TBC1D30: variants seen among roughly 807,000 people sequenced by gnomAD.
The protein encoded by TBC1D30 is TBC1 domain family, member 30.
Under a neutral mutation model 63.2 loss-of-function variants are expected in TBC1D30, and 31 were observed. The observed-to-expected ratio is 0.49, with a 90% CI of 0.37 to 0.66. The LOEUF (loss-of-function observed/expected upper bound fraction) is 0.66. Among genes scored for constraint, TBC1D30 ranks in the 30% least tolerant of loss-of-function variants. The pLI, the probability that TBC1D30 is intolerant of heterozygous loss-of-function variation, is 0.00. For missense variants in TBC1D30, 810 were observed against 953.6 expected (o/e 0.85, Z 1.98); for synonymous variants, 307 against 361.5 (o/e 0.85, Z 1.71).
intron 2 of TBC1D30, among the ~76,000 whole-genome samples, chr12:64,789,546 G>A (rs562481504): frequency 6.6e-6 from 1 of 152,070 alleles, no homozygotes; most frequent in South Asian, 2.1e-4. Flanking sequence ...ATTAAACTGG[G>A]TTATTTCTTG....
intron 1 of TBC1D30, among the ~76,000 whole-genome samples, chr12:64,765,490 C>CA (rs60489979): frequency 0.028 from 498 of 17,582 alleles, 140 homozygotes; most frequent in Middle Eastern, 0.17. Context: ...AGACTGTCTC[C>CA]AAAAAAAAAA....
At chr12:64,872,181 C>T (rs1949623786) in intron 11 of TBC1D30, among the ~76,000 whole-genome samples, 1 of 152,166 alleles carries the variant, frequency 6.6e-6, no homozygotes, top group South Asian at 2.1e-4. Context: ...GCATGCACCA[C>T]CATGCCTGGC....
chr12:64,851,368 A>G (rs1343639101), intron 8 of TBC1D30, among the ~76,000 whole-genome samples: 1 of 151,936 alleles, frequency 6.6e-6, no homozygotes, highest in Non-Finnish European at 1.5e-5. Flanking sequence ...TCAGGCCAAT[A>G]TCCCATTTGC....
exon 1 of TBC1D30, chr12:64,780,736 C>T (rs1871223128): frequency 1.0e-6 from 1 of 985,074 alleles, no homozygotes; most frequent in African/African-American, 1.7e-5. Flanking sequence ...CGAAGCCGCG[C>T]CTCCTCCCGG....
intron 2 of TBC1D30, among the ~76,000 whole-genome samples, chr12:64,795,302 AAG>A: frequency 6.6e-6 from 1 of 152,122 alleles, no homozygotes; most frequent in Non-Finnish European, 1.5e-5. Context: ...GAGTGGGGTG[AAG>A]AGAGCTGGGA....
rs959777618 is a variant in TBC1D30, at chr12:64,780,775, G to GC, written c.-33dup. On this transcript the variant is annotated 5_prime_UTR_variant, in exon 1 of 13. Transcript: ENST00000542120. ...TGGCCGGCGCCGCGAGGCGGGAGGA[G>GC]CAGCGGGAGCCGGGCAGCCGCGCGC... 3 of 988,670 alleles carry GC rather than the reference G, an allele frequency of 3.0e-6. No individual in the cohort carries two copies. The African/African-American group carries it at 5.2e-5, about 17-fold the overall frequency. 61.2% of individuals were successfully genotyped at this position (988,670 alleles called of 1,614,324 possible). A position where few individuals can be genotyped will look rare whatever the true frequency, so the allele number is the denominator to read the frequency against.
chr12:64,870,840 G>C (rs1424664751), intron 11 of TBC1D30, 32 bp downstream of exon 11: 1 of 1,531,296 alleles, frequency 6.5e-7, no homozygotes, highest in South Asian at 1.2e-5. Flanking sequence ...ATCAATTTCA[G>C]CTCTATCTCA....
intron 2 of TBC1D30, among the ~76,000 whole-genome samples, chr12:64,791,787 C>G (rs1003343359): frequency 2.0e-5 from 3 of 151,804 alleles, no homozygotes; most frequent in African/African-American, 7.3e-5. Flanking sequence ...TCTTGCTATA[C>G]TACTCAGGCT....
chr12:64,763,667 G>A (rs548146065), intron 1 of TBC1D30, among the ~76,000 whole-genome samples: 1 of 149,056 alleles, frequency 6.7e-6, no homozygotes, highest in Non-Finnish European at 1.5e-5. Flanking sequence ...AGAGTGCAGT[G>A]GCATGATCTC....
chr12:64,796,360 C>G (rs1234134415), intron 2 of TBC1D30, among the ~76,000 whole-genome samples: 1 of 152,058 alleles, frequency 6.6e-6, no homozygotes, highest in Non-Finnish European at 1.5e-5. Flanking sequence ...TGGTTAGTGA[C>G]TCAGGAGTTT....
At chr12:64,791,182 CA>C (rs1871897662) in intron 2 of TBC1D30, among the ~76,000 whole-genome samples, 1 of 152,042 alleles carries the variant, frequency 6.6e-6, no homozygotes, top group African/African-American at 2.4e-5. Flanking sequence ...AGAAGCCAGA[CA>C]AAAAAATTAC....
intron 1 of TBC1D30, among the ~76,000 whole-genome samples, chr12:64,775,378 A>C (rs939448612): frequency 6.6e-6 from 1 of 152,190 alleles, no homozygotes; most frequent in Admixed American, 6.5e-5. Context: ...GCTGTCTTCA[A>C]GAGACCCATC....
chr12:64,856,349 G>A (rs989487380), intron 8 of TBC1D30, among the ~76,000 whole-genome samples: 1 of 152,160 alleles, frequency 6.6e-6, no homozygotes, highest in African/African-American at 2.4e-5. Context: ...CATGAGATTT[G>A]GGTGAGAAAA....
intron 7 of TBC1D30, among the ~76,000 whole-genome samples, chr12:64,840,107 C>T (rs2045835362): frequency 6.6e-6 from 1 of 151,698 alleles, no homozygotes; most frequent in Admixed American, 6.6e-5. Flanking sequence ...ATCTCCTTTG[C>T]CTTGGTTTTA....
rs535898827 is a variant in TBC1D30, at chr12:64,838,825, G to T, written c.906G>T (p.Ser302=). 5 of 1,535,910 alleles carry T rather than the reference G, an allele frequency of 3.3e-6. No homozygotes were observed. The highest frequency in any genetic ancestry group is 4.4e-6 in the Non-Finnish European group (5 of 1,146,872). ...FEGSEIILRV[S]LAIWAKLGEQ... ...GTTCAGAAATCATCCTAAGGGTGTCGCTGGCTATCTGGGCAAAATTAGGAG... is the reference window on the plus strand; with the variant it reads ...GTTCAGAAATCATCCTAAGGGTGTCTCTGGCTATCTGGGCAAAATTAGGAG... Residue 302 remains serine (S), a synonymous_variant, in exon 7 of 12, where the codon TCG becomes TCT. Transcript: ENST00000539867.
chr12:64,810,535 G>A (rs1873149613), intron 2 of TBC1D30, among the ~76,000 whole-genome samples: 1 of 152,110 alleles, frequency 6.6e-6, no homozygotes, highest in South Asian at 2.1e-4. Context: ...CCTGGGACCG[G>A]GAGGCTGCAG....
chr12:64,867,478 T>A (rs1878320020), intron 10 of TBC1D30, among the ~76,000 whole-genome samples: 1 of 151,830 alleles, frequency 6.6e-6, no homozygotes, highest in Non-Finnish European at 1.5e-5. Context: ...AAAAAAATTG[T>A]TACTAAAAGT....
At chr12:64,777,654 A>G (rs1333433022), upstream of TBC1D30, among the ~76,000 whole-genome samples, 2 of 152,254 alleles carry the variant, frequency 1.3e-5, no homozygotes, top group African/African-American at 4.8e-5. Context: ...GATAGGAAGA[A>G]TCAATATCAT....
Position 64,878,290 on chromosome 12 carries a change from G to A in TBC1D30, c.*2502G>A. ...ACTTTAGAAAATAAAGAAACCTGCAGTAGCCTCTACCACACAGCATGTACA... is the reference window on the plus strand; with the variant it reads ...ACTTTAGAAAATAAAGAAACCTGCAATAGCCTCTACCACACAGCATGTACA... On this transcript the variant is annotated 3_prime_UTR_variant, in exon 12 of 12. Coordinates refer to ENST00000539867, the MANE Select transcript of TBC1D30 (RefSeq NM_015279.2). 1 of 342,046 alleles carries A rather than the reference G, an allele frequency of 2.9e-6. No individual in the cohort carries two copies. Among genetic ancestry groups the A allele is most frequent in the South Asian group, 2.4e-5 (1 of 41,956 alleles). 21.2% of individuals were successfully genotyped at this position (342,046 alleles called of 1,614,324 possible). A position where few individuals can be genotyped will look rare whatever the true frequency, so the allele number is the denominator to read the frequency against.
Sources: allele counts gnomAD v4.1 joint callset (sites outside exome capture counted in the v4.1 genomes callset), GRCh38; gene constraint gnomAD v4.1.1; transcripts MANE v1.5; gene names NCBI Gene and HGNC (gene_info 2026-07-23, HGNC 2026-07-21).